Variants in SNTG2 observed in about 807,000 individuals in gnomAD.
SNTG2 encodes gamma-2-syntrophin.
In SNTG2, 74 loss-of-function variants were observed where a neutral mutation model predicts 70.9. The observed-to-expected ratio is 1.04, with a 90% CI of 0.86 to 1.27. The LOEUF (loss-of-function observed/expected upper bound fraction) is 1.27. Among genes scored for constraint, SNTG2 ranks in the 50% most tolerant of loss-of-function variants. SNTG2 has a pLI of 0.00. For synonymous variants in SNTG2, 278 were observed against 273.8 expected (o/e 1.02, Z -0.15); for missense variants, 717 against 690.7 (o/e 1.04, Z -0.43).
At chr2:1,162,043 C>T (rs1320477999) in intron 6 of SNTG2, among the ~76,000 whole-genome samples, 6 of 128,806 alleles carry the variant, frequency 4.7e-5, no homozygotes, top group Non-Finnish European at 7.7e-5. Flanking sequence ...CACTGCACTC[C>T]AGCCTGGGCG....
At chr2:1,194,663 G>A (rs901314855) in intron 8 of SNTG2, among the ~76,000 whole-genome samples, 5 of 152,022 alleles carry the variant, frequency 3.3e-5, no homozygotes, top group Non-Finnish European at 7.4e-5. Flanking sequence ...GCCTCCAGTA[G>A]GTTTTATAAA....
chr2:985,032 A>T (rs1309020237), intron 1 of SNTG2, among the ~76,000 whole-genome samples: 1 of 152,080 alleles, frequency 6.6e-6, no homozygotes, highest in African/African-American at 2.4e-5. Context: ...TTATATGTCC[A>T]TTTTTTTCCC....
chr2:1,222,487 A>G lies in SNTG2; in HGVS notation c.719+13257A>G, dbSNP rs34373527. 9.2e-3 allele frequency among the ~76,000 whole-genome samples: 1,287 copies of G among 140,030 alleles called. 24 individuals carry two copies. Among genetic ancestry groups the G allele is most frequent in the South Asian group, 0.053 (235 of 4,432 alleles). 91.9% of individuals were successfully genotyped at this position (140,030 alleles called of 152,430 possible). ...GAGGTGCTGGATCGCTGTAGAGGAA[A>G]GTGGTGCAGTGATGGAGGGCGTCTC... On this transcript the variant is annotated intron_variant, in intron 9 of 16. Coordinates refer to ENST00000308624, the MANE Select transcript of SNTG2 (RefSeq NM_018968.4).
chr2:956,262 C>CCCTG (rs1660154345), intron 1 of SNTG2, among the ~76,000 whole-genome samples: 1 of 143,318 alleles, frequency 7.0e-6, no homozygotes, highest in African/African-American at 2.6e-5. Flanking sequence ...CCTGCGCCTC[C>CCCTG]CCCTGCCCTG....
chr2:991,856 G>T (rs1028814572), intron 1 of SNTG2, among the ~76,000 whole-genome samples: 3 of 152,204 alleles, frequency 2.0e-5, no homozygotes, highest in Non-Finnish European at 4.4e-5. Context: ...GTGAGAGATT[G>T]TTGCCCTTAA....
At chr2:1,017,688 TA>T (rs1395568209) in intron 1 of SNTG2, among the ~76,000 whole-genome samples, 1 of 152,270 alleles carries the variant, frequency 6.6e-6, no homozygotes, top group Non-Finnish European at 1.5e-5. Flanking sequence ...CACGTATACA[TA>T]AATTTTAAAA....
At chr2:1,089,743 A>G (rs182236901) in intron 2 of SNTG2, among the ~76,000 whole-genome samples, 2 of 152,400 alleles carry the variant, frequency 1.3e-5, no homozygotes, top group East Asian at 1.9e-4. Context: ...AGAACTTTCA[A>G]TAACTAAAAT....
At chr2:1,230,708 G>A (rs1300586222) in intron 9 of SNTG2, among the ~76,000 whole-genome samples, 1 of 152,234 alleles carries the variant, frequency 6.6e-6, no homozygotes, top group Non-Finnish European at 1.5e-5. Context: ...ACAGCGTGGG[G>A]CGCCAGACAT....
intron 12 of SNTG2, among the ~76,000 whole-genome samples, chr2:1,251,533 CACATA>C (rs950221857): frequency 1.4e-5 from 2 of 146,914 alleles, no homozygotes; most frequent in Admixed American, 6.8e-5. Context: ...ACATACCACA[CACATA>C]ACATATGCAC....
At chr2:1,075,670 C>G (rs1424109850) in intron 1 of SNTG2, among the ~76,000 whole-genome samples, 1 of 152,186 alleles carries the variant, frequency 6.6e-6, no homozygotes. Context: ...ATTTTCCTCA[C>G]TCAAATGACA....
intron 16 of SNTG2, among the ~76,000 whole-genome samples, chr2:1,321,913 C>CT (rs1364879705): frequency 7.0e-6 from 1 of 142,236 alleles, no homozygotes; most frequent in Non-Finnish European, 1.5e-5. Flanking sequence ...TCCTTCCCTC[C>CT]TTCCTTCCTT....
intron 9 of SNTG2, chr2:1,219,792 G>C (rs575215152): frequency 6.6e-6 from 1 of 152,084 alleles, no homozygotes; most frequent in South Asian, 2.1e-4. Context: ...CTTAGCTTAG[G>C]GGTCTTTTTG....
intron 1 of SNTG2, among the ~76,000 whole-genome samples, chr2:1,056,849 G>C (rs1277499972): frequency 1.3e-5 from 1 of 77,484 alleles, no homozygotes; most frequent in Non-Finnish European, 2.5e-5. Context: ...ACGCTGTGGG[G>C]AGGGAGAGAG....
At chr2:1,357,968 T>G (rs1469711190) in intron 16 of SNTG2, among the ~76,000 whole-genome samples, 1 of 152,156 alleles carries the variant, frequency 6.6e-6, no homozygotes, top group African/African-American at 2.4e-5. Context: ...GACATTTATT[T>G]CTTATACTTT....
At chr2:985,425 A>G (rs75374597) in intron 1 of SNTG2, among the ~76,000 whole-genome samples, 10,980 of 151,952 alleles carry the variant, frequency 0.072, 631 homozygotes, top group South Asian at 0.2. Context: ...TTTCTTTCCT[A>G]GGAAGTGGAA....
intron 1 of SNTG2, among the ~76,000 whole-genome samples, chr2:1,061,658 C>T (rs1173404238): frequency 6.6e-6 from 1 of 152,192 alleles, no homozygotes; most frequent in East Asian, 1.9e-4. Context: ...TGCTCTGTGT[C>T]CTGCTCGTCT....
chr2:1,308,341 G>A (rs777938544), intron 14 of SNTG2, among the ~76,000 whole-genome samples, 153 bp from the exon 15 acceptor site: 11 of 152,116 alleles, frequency 7.2e-5, no homozygotes, highest in Admixed American at 1.3e-4. Context: ...TGGGTCTCCC[G>A]GGACCCTGCA....
chr2:1,058,008 CAGAGGG>C (rs1662574978), intron 1 of SNTG2, among the ~76,000 whole-genome samples: 3 of 152,010 alleles, frequency 2.0e-5, no homozygotes, highest in African/African-American at 4.8e-5. Flanking sequence ...GCTTGGGTGA[CAGAGGG>C]AGACACTATC....
At chr2:1,128,921 CTG>C (rs1667862646) in intron 4 of SNTG2, among the ~76,000 whole-genome samples, 1 of 152,058 alleles carries the variant, frequency 6.6e-6, no homozygotes, top group South Asian at 2.1e-4. Context: ...GACTTGGAAA[CTG>C]TTGGGAAACA....
Sources: allele counts gnomAD v4.1 joint callset (sites outside exome capture counted in the v4.1 genomes callset), GRCh38; gene constraint gnomAD v4.1.1; transcripts MANE v1.5; gene names NCBI Gene and HGNC (gene_info 2026-07-23, HGNC 2026-07-21).